DNAH11: variants seen among roughly 807,000 people sequenced by gnomAD.
DNAH11 encodes the protein dynein axonemal heavy chain 11.
DNAH11 carries 442 observed loss-of-function variants against 526.0 expected under a neutral mutation model. The ratio of observed to expected loss-of-function variants is 0.84; its 90% CI spans 0.78 to 0.91. The LOEUF (loss-of-function observed/expected upper bound fraction) is 0.91, where lower values mean the gene tolerates loss of function less well. DNAH11 is among the 40% of genes least tolerant of loss of function. The pLI, the probability that DNAH11 is intolerant of heterozygous loss-of-function variation, is 0.00. For missense variants in DNAH11, 6,989 were observed against 5,448.7 expected, an observed-to-expected ratio of 1.28 and a Z score of -8.90; for synonymous variants, 2,461 against 1,935.9, an observed-to-expected ratio of 1.27 and a Z score of -7.12.
intron 66 of DNAH11, among the ~76,000 whole-genome samples, chr7:21,849,281 T>C (rs537279000): frequency 2.0e-5 from 3 of 152,376 alleles, no homozygotes; most frequent in African/African-American, 4.8e-5. Flanking sequence ...CTTTATAACA[T>C]TGCTGTCATT....
Position 21,818,290 on chromosome 7 carries a change from G to A in DNAH11, c.10642G>A (p.Asp3548Asn), listed in dbSNP as rs1252044816. The change falls in exon 65 of 82, where the codon GAT becomes AAT. Residue 3548 changes from aspartate to asparagine, a missense_variant. Coordinates refer to ENST00000409508, the MANE Select transcript of DNAH11 (RefSeq NM_001277115.2). Reference sequence around the variant, plus strand: ...AATTGAAAATCTCGAGGAAACGATAGATCCAGTCCTGGATCCACTACTTGG... The same window carrying A: ...AATTGAAAATCTCGAGGAAACGATAAATCCAGTCCTGGATCCACTACTTGG... ...ILIENLEETI[D>N]PVLDPLLGRN... The A allele has an allele frequency of 8.7e-6, 14 of 1,611,838 alleles. No individual in the cohort carries two copies. The South Asian group carries it at 1.4e-4, about 17-fold the overall frequency.
Position 21,901,072 on chromosome 7 carries a change from A to C in DNAH11, c.13369A>C (p.Met4457Leu), listed in dbSNP as rs1415418980. The change falls in exon 82 of 82, where the codon ATG becomes CTG. Residue 4457 changes from methionine to leucine, a missense_variant. Transcript: ENST00000409508. ...EARLKELACP[M>L]PVIFAKATPV... The stretch of plus-strand genomic sequence containing the variant: ...CCGTCTCAAGGAGCTGGCATGCCCT[A>C]TGCCGGTCATCTTTGCAAAAGCCAC... The C allele has an allele frequency of 6.2e-7, 1 of 1,613,938 alleles. No individual in the cohort carries two copies. Among genetic ancestry groups the C allele is most frequent in the African/African-American group, 1.3e-5 (1 of 75,066 alleles).
Position 21,807,900 on chromosome 7 carries a change from C to G in DNAH11, c.10183C>G (p.Gln3395Glu), listed in dbSNP as rs759904861. The change falls in exon 63 of 82, where the codon CAA becomes GAA. Residue 3395 changes from glutamine (Q) to glutamate (E), a missense_variant. Coordinates refer to ENST00000409508, the MANE Select transcript of DNAH11 (RefSeq NM_001277115.2). The stretch of plus-strand genomic sequence containing the variant: ...TCAGTCAGAGAAGATTCGCTGGGGT[C>G]AATCCATTAAGTCCTTTGAAGCTCA... ...ELEAKKIRWG[Q>E]SIKSFEAQEK... 8.8e-6 allele frequency: 14 copies of G among 1,599,882 alleles called. No individual in the cohort carries two copies. The Middle Eastern group carries it at 5.2e-4, about 60-fold the overall frequency.
chr7:21,817,802 T>C (rs1789867980), intron 64 of DNAH11, among the ~76,000 whole-genome samples: 1 of 151,574 alleles, frequency 6.6e-6, no homozygotes. Context: ...TAGCTCACCA[T>C]TTTAAGTGAC....
intron 44 of DNAH11, among the ~76,000 whole-genome samples, chr7:21,725,585 A>T (rs1246881184): frequency 6.6e-6 from 1 of 152,200 alleles, no homozygotes; most frequent in Non-Finnish European, 1.5e-5. Flanking sequence ...CTAGCATAGG[A>T]ATTTGCATAA....
At chr7:21,565,216 G>C (rs182599362) in intron 6 of DNAH11, among the ~76,000 whole-genome samples, 3 of 152,138 alleles carry the variant, frequency 2.0e-5, no homozygotes, top group African/African-American at 7.2e-5. Flanking sequence ...TTCCTGGCTT[G>C]CTGATGGCTG....
chr7:21,669,658 TG>T (rs1421499106), intron 30 of DNAH11, among the ~76,000 whole-genome samples: 2 of 25,662 alleles, frequency 7.8e-5, no homozygotes, highest in African/African-American at 1.2e-4. Context: ...TTTTTCTTTT[TG>T]TGTGTGTGTG....
chr7:21,663,771 A>T (rs1388764277), intron 30 of DNAH11, among the ~76,000 whole-genome samples: 9 of 111,292 alleles, frequency 8.1e-5, no homozygotes, highest in Non-Finnish European at 5.8e-5. Flanking sequence ...TTTTTTTTTT[A>T]AAGACACAAT....
At chr7:21,544,267 T>C (rs1159142169) in intron 1 of DNAH11, among the ~76,000 whole-genome samples, 1 of 152,244 alleles carries the variant, frequency 6.6e-6, no homozygotes, top group African/African-American at 2.4e-5. Flanking sequence ...AGATTCACAA[T>C]TTTTAAGTAG....
intron 9 of DNAH11, among the ~76,000 whole-genome samples, chr7:21,587,439 C>G (rs957722675): frequency 6.6e-6 from 1 of 152,068 alleles, no homozygotes; most frequent in Non-Finnish European, 1.5e-5. Flanking sequence ...TGGATTCAGC[C>G]AGGCCCTGAC....
chr7:21,718,127 T>G (rs1338739927), intron 43 of DNAH11, among the ~76,000 whole-genome samples: 1 of 151,310 alleles, frequency 6.6e-6, no homozygotes, highest in Non-Finnish European at 1.5e-5. Context: ...TGTTAGTGTT[T>G]AAGTTTGTGC....
Position 21,778,977 on chromosome 7 carries a change from G to T in DNAH11, c.9356G>T (p.Arg3119Ile). ...CTTTAGGTGGGAGATCTAAAAGCCA[G>T]ACTTGCCTCTCAAGAAGCCGAGCTG... ...TASQVGDLKA[R>I]LASQEAELQL... is the part of the protein sequence containing the mutation. The change falls in exon 57 of 82, where the codon AGA becomes ATA. Residue 3119 changes from arginine to isoleucine, a missense_variant. Transcript: ENST00000409508. 3 of 1,613,154 alleles carry T rather than the reference G, an allele frequency of 1.9e-6. No homozygotes were observed. The highest frequency in any genetic ancestry group is 2.2e-5 in the South Asian group (2 of 91,006).
intron 73 of DNAH11, among the ~76,000 whole-genome samples, chr7:21,869,533 G>C (rs1469011205): frequency 1.3e-5 from 2 of 152,088 alleles, no homozygotes; most frequent in South Asian, 4.2e-4. Context: ...AGGGGATCCT[G>C]CTAACACACC....
At chr7:21,609,335 C>G (rs892072637) in intron 20 of DNAH11, among the ~76,000 whole-genome samples, 1 of 152,154 alleles carries the variant, frequency 6.6e-6, no homozygotes, top group East Asian at 1.9e-4. Context: ...CCTGCCTCAA[C>G]GTCCTGAGTA....
Position 21,558,967 on chromosome 7 carries a change from A to T in DNAH11, c.661A>T (p.Met221Leu), listed in dbSNP as rs147525173. Reference sequence around the variant, plus strand: ...ACCAATTCCCACTGTTGCAGGAAAGATGGATCTGGATCAGAATTGTTCAGA... The same window carrying T: ...ACCAATTCCCACTGTTGCAGGAAAGTTGGATCTGGATCAGAATTGTTCAGA... ...LLPIPTVAGKMDLDQNCSENK... is the reference protein window; with the variant it reads ...LLPIPTVAGKLDLDQNCSENK... The change falls in exon 3 of 82, where the codon ATG becomes TTG. Residue 221 changes from methionine to leucine, a missense_variant. Physicochemically the swap from Met to Leu is conservative, Grantham distance 15. Coordinates refer to ENST00000409508, the MANE Select transcript of DNAH11 (RefSeq NM_001277115.2). 6.9e-4 allele frequency: 1,100 copies of T among 1,588,018 alleles called. 16 individuals are homozygous for T. The South Asian group carries it at 7.5e-3, about 11-fold the overall frequency.
chr7:21,594,365 C>T (rs1156504785), intron 14 of DNAH11, among the ~76,000 whole-genome samples: 4 of 152,122 alleles, frequency 2.6e-5, no homozygotes, highest in Admixed American at 6.5e-5. Context: ...TGTGTGTACC[C>T]AGCACCTTTC....
intron 69 of DNAH11, among the ~76,000 whole-genome samples, 153 bp from the exon 70 acceptor site, chr7:21,864,382 T>C (rs995631713): frequency 2.0e-5 from 3 of 152,222 alleles, no homozygotes; most frequent in Non-Finnish European, 4.4e-5. Context: ...TAATCTAAGA[T>C]TCCCTATTTC....
chr7:21,684,410 G>A (rs542040230), intron 32 of DNAH11, among the ~76,000 whole-genome samples: 1 of 152,320 alleles, frequency 6.6e-6, no homozygotes, highest in Non-Finnish European at 1.5e-5. Flanking sequence ...CAGGGTTCCT[G>A]CTGTCACAGA....
intron 62 of DNAH11, among the ~76,000 whole-genome samples, chr7:21,807,415 C>T (rs1232230172): frequency 6.6e-6 from 1 of 152,180 alleles, no homozygotes; most frequent in Non-Finnish European, 1.5e-5. Context: ...GAGAAGATGG[C>T]TTAAGCCCAG....
Sources: gnomAD v4.1 joint callset for allele counts (sites outside exome capture counted in the v4.1 genomes callset) on GRCh38, gnomAD v4.1.1 for gene constraint, MANE v1.5 for transcripts, NCBI Gene and HGNC (gene_info 2026-07-23, HGNC 2026-07-21) for gene names.